RPS6KC1: variants seen among roughly 807,000 people sequenced by gnomAD.
RPS6KC1 encodes inactive ribosomal protein S6 kinase delta-1.
Under a neutral mutation model 103.8 loss-of-function variants are expected in RPS6KC1, and 54 were observed. The observed-to-expected ratio is 0.52, with a 90% confidence interval of 0.42 to 0.65. RPS6KC1 has a LOEUF of 0.65. Ranked by LOEUF, RPS6KC1 falls within the 30% of genes least tolerant of loss-of-function variation. The pLI, the probability that RPS6KC1 is intolerant of heterozygous loss-of-function variation, is 0.00. For missense variants in RPS6KC1, 1,151 were observed against 1,253.8 expected (o/e 0.92, Z 1.24); for synonymous variants, 439 against 438.7 (o/e 1.00, Z -0.01).
chr1:213,674,529 T>C, the RPS6KC1 span, among the ~76,000 whole-genome samples: 1 of 152,244 alleles, frequency 6.6e-6, no homozygotes, highest in Non-Finnish European at 1.5e-5. Context: ...CATTTTCTTA[T>C]CCAATCCACT....
chr1:213,751,202 A>G, the RPS6KC1 span, among the ~76,000 whole-genome samples: 3 of 152,116 alleles, frequency 2.0e-5, no homozygotes, highest in Non-Finnish European at 4.4e-5. Flanking sequence ...TTATCACCAG[A>G]GTCACTAGAG....
At chr1:213,506,539 C>T in the RPS6KC1 span, among the ~76,000 whole-genome samples, 6 of 152,162 alleles carry the variant, frequency 3.9e-5, no homozygotes, top group Non-Finnish European at 7.3e-5. Flanking sequence ...GGTCACCCAC[C>T]AGGTCTAGCA....
chr1:213,482,905 TTC>T, the RPS6KC1 span, among the ~76,000 whole-genome samples: 5 of 152,166 alleles, frequency 3.3e-5, no homozygotes, highest in African/African-American at 9.7e-5. Context: ...TCTATTGTTC[TTC>T]TGTTTATTAT....
the RPS6KC1 span, among the ~76,000 whole-genome samples, chr1:213,693,246 C>T: frequency 6.6e-6 from 1 of 152,166 alleles, no homozygotes; most frequent in Admixed American, 6.5e-5. Flanking sequence ...TCCTCTTGAA[C>T]CCCCAGCCTC....
intron 8 of RPS6KC1, 25 bp from the exon 9 acceptor site, chr1:213,230,472 A>G: frequency 6.5e-7 from 1 of 1,539,930 alleles, no homozygotes; most frequent in East Asian, 2.3e-5. Context: ...TTGTTAATAA[A>G]TTATTACTCG....
the RPS6KC1 span, among the ~76,000 whole-genome samples, chr1:213,653,269 G>A: frequency 1.1e-4 from 17 of 152,284 alleles, no homozygotes; most frequent in African/African-American, 4.1e-4. Context: ...ACCAGCCTGG[G>A]CAACATGGCA....
chr1:213,288,316 G>C, the RPS6KC1 span, among the ~76,000 whole-genome samples: 1 of 152,208 alleles, frequency 6.6e-6, no homozygotes, highest in Non-Finnish European at 1.5e-5. Flanking sequence ...TTAGTGGCAT[G>C]ACAGTTGAAG....
intron 12 of RPS6KC1, among the ~76,000 whole-genome samples, chr1:213,260,464 AC>A (rs1339623291): frequency 5.3e-5 from 8 of 152,262 alleles, no homozygotes; most frequent in Admixed American, 4.6e-4. Flanking sequence ...TTGCTTTAAG[AC>A]TATTGCTCAA....
intron 3 of RPS6KC1, among the ~76,000 whole-genome samples, chr1:213,097,032 G>A (rs1355345977): frequency 2.0e-5 from 3 of 152,172 alleles, no homozygotes; most frequent in African/African-American, 7.2e-5. Context: ...AGAGCTTCGA[G>A]TGAACCAGAT....
At chr1:213,681,457 G>GGA in the RPS6KC1 span, among the ~76,000 whole-genome samples, 6 of 151,912 alleles carry the variant, frequency 3.9e-5, no homozygotes, top group South Asian at 1.3e-3. Context: ...GGGAGATAAT[G>GGA]GAGAGAGAGA....
chr1:213,655,710 C>A, the RPS6KC1 span, among the ~76,000 whole-genome samples: 1 of 152,092 alleles, frequency 6.6e-6, no homozygotes, highest in Non-Finnish European at 1.5e-5. Flanking sequence ...TTTAAAGGGA[C>A]CTGCTGTGAA....
At chr1:213,477,225 C>A in the RPS6KC1 span, among the ~76,000 whole-genome samples, 3 of 152,118 alleles carry the variant, frequency 2.0e-5, no homozygotes, top group Non-Finnish European at 4.4e-5. Context: ...TATTTATGAT[C>A]TAATATAACT....
At chr1:213,531,299 TA>T in the RPS6KC1 span, among the ~76,000 whole-genome samples, 97,359 of 152,002 alleles carry the variant, frequency 0.64, 33,522 homozygotes, top group East Asian at 0.98. Flanking sequence ...ATCTATAATA[TA>T]GTTTGGCTCC....
the RPS6KC1 span, among the ~76,000 whole-genome samples, chr1:213,556,931 G>T: frequency 2.4e-3 from 372 of 152,288 alleles, 1 homozygote; most frequent in Non-Finnish European, 4.6e-3. Context: ...TCCAGGTGGG[G>T]TGGGGGGTTA....
In RPS6KC1 at chr1:213,196,223, T is replaced by G. The variant is rs538141162; in HGVS notation, c.1044+19731T>G. Among the ~76,000 whole-genome samples, 7 of 152,330 alleles carry G rather than the reference T, an allele frequency of 4.6e-5. No individual in the cohort carries two copies. The South Asian group carries it at 1.4e-3, about 32-fold the overall frequency. On this transcript the variant is annotated intron_variant, in intron 8 of 14. Coordinates refer to ENST00000366960, the MANE Select transcript of RPS6KC1 (RefSeq NM_012424.6). ...ATTGTGGTTTTCATTTGCATTTCCC[T>G]GATAATTTGTGATGTTGACCATTTT...
intron 10 of RPS6KC1, among the ~76,000 whole-genome samples, chr1:213,235,998 G>T (rs2094212268): frequency 6.6e-6 from 1 of 152,154 alleles, no homozygotes. Context: ...GAGGTGAGTG[G>T]CGGACAAGTG....
At chr1:213,378,169 G>T in the RPS6KC1 span, among the ~76,000 whole-genome samples, 1 of 152,328 alleles carries the variant, frequency 6.6e-6, no homozygotes, top group East Asian at 1.9e-4. Flanking sequence ...AACCACAACT[G>T]TGACTTTCTC....
the RPS6KC1 span, among the ~76,000 whole-genome samples, chr1:213,541,300 G>C: frequency 8.6e-5 from 13 of 151,278 alleles, no homozygotes; most frequent in South Asian, 6.4e-4. Context: ...TAACATCAAA[G>C]ATCATTGATC....
At chr1:213,428,468 C>CCCTTCCTTCCTTCCTT in the RPS6KC1 span, among the ~76,000 whole-genome samples, 2 of 44,554 alleles carry the variant, frequency 4.5e-5, no homozygotes, top group Admixed American at 2.6e-4. Context: ...CTTCTTTCCT[C>CCCTTCCTTCCTTCCTT]CCTCCCTCCC....
Sources: gnomAD v4.1 joint callset for allele counts (sites outside exome capture counted in the v4.1 genomes callset) on GRCh38, gnomAD v4.1.1 for gene constraint, MANE v1.5 for transcripts, NCBI Gene and HGNC (gene_info 2026-07-23, HGNC 2026-07-21) for gene names.